KLC1: variants seen among roughly 807,000 people sequenced by gnomAD.
KLC1 encodes kinesin light chain 1.
KLC1 carries 30 observed loss-of-function variants against 84.2 expected under a neutral mutation model. The ratio of observed to expected loss-of-function variants is 0.36; its 90% CI spans 0.27 to 0.48. KLC1 has a LOEUF of 0.48. KLC1 is among the 20% of genes least tolerant of loss of function. The probability of loss-of-function intolerance (pLI) is 0.99; values close to 1 mark genes in which losing one functional copy is unlikely to be tolerated. For synonymous variants in KLC1, 289 were observed against 293.3 expected (o/e 0.99, Z 0.15); for missense variants, 499 against 805.4 (o/e 0.62, Z 4.60).
At chr14:103,670,337 T>G in intron 7 of KLC1, 54 bp downstream of exon 7, 10 of 1,209,270 alleles carry the variant, frequency 8.3e-6, no homozygotes, top group Middle Eastern at 2.4e-4. Context: ...TGTGTGTGTG[T>G]GGTTTTTTTT....
intron 15 of KLC1, chr14:103,700,311 G>A (rs552426702): frequency 1.5e-5 from 4 of 268,984 alleles, no homozygotes; most frequent in Admixed American, 5.2e-5. Context: ...TCCAGGGGAG[G>A]ACCCCCCCAG....
At chr14:103,645,260 A>T (rs1157739659) in intron 1 of KLC1, among the ~76,000 whole-genome samples, 2 of 151,592 alleles carry the variant, frequency 1.3e-5, no homozygotes, top group African/African-American at 4.8e-5. Context: ...GGCGGGAGCC[A>T]CTGCGCCTGG....
chr14:103,675,009 A>T (rs777054547), intron 9 of KLC1, among the ~76,000 whole-genome samples: 12 of 152,176 alleles, frequency 7.9e-5, no homozygotes, highest in Non-Finnish European at 1.6e-4. Flanking sequence ...ATGCTGTAAG[A>T]AGTAGTATCT....
intron 1 of KLC1, 38 bp downstream of exon 1, chr14:103,629,532 C>T (rs1397079473): frequency 6.5e-6 from 1 of 152,690 alleles, no homozygotes; most frequent in Non-Finnish European, 1.5e-5. Context: ...GCGGCCCCCT[C>T]CTCATCCTCC....
chr14:103,646,038 A>G (rs906899588), intron 1 of KLC1, among the ~76,000 whole-genome samples: 2 of 152,146 alleles, frequency 1.3e-5, no homozygotes, highest in Admixed American at 6.6e-5. Context: ...GATTACGGGC[A>G]TGAGCCACCA....
chr14:103,693,616 T>C lies in KLC1; in HGVS notation c.1848+1191T>C. ...TGCCAGCCACACTGACCTGGCCCAC[T>C]GAGAGCCAGCAGGGCTAGGTAACCT... On this transcript the variant is annotated intron_variant, in intron 15 of 16. Coordinates refer to ENST00000334553, the MANE Select transcript of KLC1 (RefSeq NM_001394837.1). The surrounding 1 kb of genome is among the most constrained non-coding windows in gnomAD (Gnocchi z 5.1). The C allele has an allele frequency of 6.5e-7, 1 of 1,535,964 alleles. No homozygotes were observed.
chr14:103,654,144 G>C (rs2078674125), intron 1 of KLC1, among the ~76,000 whole-genome samples: 1 of 152,106 alleles, frequency 6.6e-6, no homozygotes, highest in Admixed American at 6.6e-5. Context: ...TCTTCTTCCA[G>C]CTGTGTGACT....
Position 103,679,548 on chromosome 14 carries a change from A to T in KLC1, c.1650+3A>T, listed in dbSNP as rs2081183895. The T allele has an allele frequency of 6.2e-7, 1 of 1,612,164 alleles. No individual in the cohort carries two copies. The highest frequency in any genetic ancestry group is 8.5e-7 in the Non-Finnish European group (1 of 1,178,410). On this transcript the variant is annotated splice_donor_region_variant and intron_variant, in intron 13 of 16. Coordinates refer to ENST00000334553, the MANE Select transcript of KLC1 (RefSeq NM_001394837.1). ...GTATGAGCGTAGAGTGGAACGGGGT[A>T]AGTACAGTACACAGCGGGCACGTGC...
At chr14:103,650,297 C>G (rs150401339) in intron 1 of KLC1, among the ~76,000 whole-genome samples, 86 of 152,156 alleles carry the variant, frequency 5.7e-4, no homozygotes, top group African/African-American at 2.0e-3. Flanking sequence ...TCCACCACAC[C>G]CCAGGGTAGG....
At chr14:103,672,894 A>G in intron 7 of KLC1, 120 bp from the exon 8 acceptor site, 1 of 852,836 alleles carries the variant, frequency 1.2e-6, no homozygotes, top group East Asian at 2.7e-5. Flanking sequence ...AAGGATTTAA[A>G]TCTGAAAGTG....
chr14:103,673,310 T>C (rs755587804), intron 8 of KLC1, 22 bp from the exon 9 acceptor site: 4 of 1,537,552 alleles, frequency 2.6e-6, no homozygotes, highest in East Asian at 2.4e-5. Context: ...ATATGAAATA[T>C]TTTATTTTAT....
chr14:103,663,204 C>T (rs1355264570), intron 5 of KLC1, among the ~76,000 whole-genome samples: 5 of 151,870 alleles, frequency 3.3e-5, no homozygotes, highest in Admixed American at 1.3e-4. Flanking sequence ...CTCAGCCTCC[C>T]GAGTAGCTGG....
chr14:103,690,631 C>T (rs921131894), intron 14 of KLC1, among the ~76,000 whole-genome samples: 4 of 18,884 alleles, frequency 2.1e-4, no homozygotes, highest in South Asian at 2.1e-3. Context: ...CGCTCATGTT[C>T]GCTGTCCCAT....
At position 103,658,995 on chromosome 14, in the gene KLC1, G is replaced by C. The variant is rs1206333259; in HGVS notation, c.492+1219G>C. On this transcript the variant is annotated intron_variant, in intron 3 of 16. Coordinates refer to ENST00000334553, the MANE Select transcript of KLC1 (RefSeq NM_001394837.1). ...TTATTTTTTTTTTTACTTTTTTTTT[G>C]AGACGAAGTCTCGCTTTTGTACCCC... Among the ~76,000 whole-genome samples the C allele has an allele frequency of 3.6e-5, 5 of 139,232 alleles. No individual in the cohort carries two copies. In the South Asian group the frequency reaches 1.1e-3, roughly 32 times the overall value. 91.3% of individuals were successfully genotyped at this position (139,232 alleles called of 152,430 possible).
At chr14:103,675,430 C>A in intron 9 of KLC1, 122 bp from the exon 10 acceptor site, 1 of 723,218 alleles carries the variant, frequency 1.4e-6, no homozygotes, top group South Asian at 1.8e-5. Context: ...TCAAAGTGCT[C>A]CAAAGTTTGA....
rs779560876 is a variant in KLC1, at chr14:103,657,687, G to A, written c.403G>A (p.Glu135Lys). 1 of 1,614,042 alleles carries A rather than the reference G, an allele frequency of 6.2e-7. No individual in the cohort carries two copies. Among genetic ancestry groups the A allele is most frequent in the Non-Finnish European group, 8.5e-7 (1 of 1,180,042 alleles). ...ANTQQKLQKSEQSVAQLEEEK... is the reference protein window; with the variant it reads ...ANTQQKLQKSKQSVAQLEEEK... ...CACGCAGCAGAAACTGCAGAAGAGT[G>A]AGCAGTCTGTGGCTCAACTGGAGGA... Residue 135 changes from glutamate to lysine, a missense_variant, in exon 3 of 17, where the codon GAG (glutamate) becomes AAG (lysine). Coordinates refer to ENST00000334553, the MANE Select transcript of KLC1 (RefSeq NM_001394837.1).
rs1287295730 is a variant in KLC1, at chr14:103,666,269, T to A, written c.798-3242T>A. 5.9e-5 allele frequency among the ~76,000 whole-genome samples: 9 copies of A among 152,246 alleles called. No individual in the cohort carries two copies. In the East Asian group the frequency reaches 1.7e-3, roughly 29 times the overall value. The stretch of plus-strand genomic sequence containing the variant: ...TAGTAGAGACGGAGTTTCACCATGT[T>A]AGCCAGGATGGTCTTGATCTCCTGA... On this transcript the variant is annotated intron_variant, in intron 5 of 16. Coordinates refer to ENST00000334553, the MANE Select transcript of KLC1 (RefSeq NM_001394837.1).
intron 1 of KLC1, among the ~76,000 whole-genome samples, chr14:103,645,156 A>G (rs1376398776): frequency 6.6e-6 from 1 of 152,130 alleles, no homozygotes. Flanking sequence ...TATTTGTAGT[A>G]GAGTCGGGGT....
rs1567048007 is a variant in KLC1, at chr14:103,699,101, CA to C, written c.1849-1553del. 3 of 1,568,264 alleles carry C rather than the reference CA, an allele frequency of 1.9e-6. No homozygotes were observed. In the South Asian group the frequency reaches 3.5e-5, roughly 18 times the overall value. On this transcript the variant is annotated intron_variant, in intron 15 of 16. Coordinates refer to ENST00000334553, the MANE Select transcript of KLC1 (RefSeq NM_001394837.1). ...CCCAGCTGTGCCCCTGGCACCTGCA[CA>C]GAGGTGCACACACCACATGGCTGCA...
Sources: gnomAD v4.1 joint callset for allele counts (sites outside exome capture counted in the v4.1 genomes callset) on GRCh38, gnomAD v4.1.1 for gene constraint, Gnocchi (gnomAD v3.1) non-coding constraint, MANE v1.5 for transcripts, NCBI Gene and HGNC (gene_info 2026-07-23, HGNC 2026-07-21) for gene names.